The following SYT1 variants were observed in gnomAD, a reference collection of about 807,000 sequenced individuals.
SYT1 encodes synaptotagmin 1.
A neutral mutation model predicts 44.8 loss-of-function variants in SYT1; 8 were observed. That is an observed-to-expected ratio of 0.18 (90% CI 0.10 to 0.32). The LOEUF is 0.32. SYT1 is among the 10% of genes least tolerant of loss of function. The pLI is 1.00. For missense variants in SYT1, 286 were observed against 509.3 expected (o/e 0.56, Z 4.22); for synonymous variants, 154 against 188.8 (o/e 0.82, Z 1.51).
intron 4 of SYT1, among the ~76,000 whole-genome samples, chr12:79,250,419 C>A (rs1426019228): frequency 6.6e-6 from 1 of 152,186 alleles, no homozygotes; most frequent in African/African-American, 2.4e-5. Context: ...TTGAATCACC[C>A]TCAGATATGT....
Position 79,217,517 on chromosome 12 carries a change from A to G in SYT1, c.-3A>G. 1.3e-6 allele frequency: 2 copies of G among 1,585,836 alleles called. No homozygotes were observed. The highest frequency in any genetic ancestry group is 1.7e-6 in the Non-Finnish European group (2 of 1,168,702). Reference sequence around the variant, plus strand: ...TCCCCTCACAGCTTCACCTGAACCTAAAATGGTGAGCGAGAGTCACCATGA... The same window carrying G: ...TCCCCTCACAGCTTCACCTGAACCTGAAATGGTGAGCGAGAGTCACCATGA... On this transcript the variant is annotated 5_prime_UTR_variant, in exon 4 of 11. Coordinates refer to ENST00000261205, the MANE Select transcript of SYT1 (RefSeq NM_005639.3).
intron 4 of SYT1, among the ~76,000 whole-genome samples, chr12:79,235,752 A>G (rs1876152400): frequency 6.6e-6 from 1 of 151,764 alleles, no homozygotes; most frequent in Non-Finnish European, 1.5e-5. Flanking sequence ...ACACTAAATC[A>G]AAGAAGATAT....
At chr12:79,042,164 C>G (rs1470573803) in intron 2 of SYT1, among the ~76,000 whole-genome samples, 2 of 151,552 alleles carry the variant, frequency 1.3e-5, no homozygotes, top group African/African-American at 4.8e-5. Context: ...AGGATTCCCT[C>G]TTTTTCTATT....
At chr12:79,395,910 T>C (rs184904639) in intron 9 of SYT1, among the ~76,000 whole-genome samples, 5 of 152,348 alleles carry the variant, frequency 3.3e-5, no homozygotes, top group South Asian at 4.1e-4. Flanking sequence ...TCTAAATTAA[T>C]AAATTTAGGG....
At chr12:78,866,113 C>G (rs921088509) in intron 1 of SYT1, among the ~76,000 whole-genome samples, 5 of 152,112 alleles carry the variant, frequency 3.3e-5, no homozygotes, top group Non-Finnish European at 5.9e-5. Flanking sequence ...TTCACTTTCT[C>G]CAGTATTAAC....
intron 3 of SYT1, among the ~76,000 whole-genome samples, chr12:79,212,328 A>G (rs1043680069): frequency 3.9e-5 from 6 of 152,096 alleles, no homozygotes; most frequent in African/African-American, 1.4e-4. Context: ...ACATGGATGC[A>G]GGGAGGGGAA....
At chr12:79,179,306 A>AGATATATCGATATG (rs1565841761) in intron 3 of SYT1, among the ~76,000 whole-genome samples, 8 of 83,698 alleles carry the variant, frequency 9.6e-5, no homozygotes, top group African/African-American at 4.5e-4. Context: ...ATTTAGATAT[A>AGATATATCGATATG]TCTATATAGA....
At chr12:78,956,684 C>A (rs1879236725) in intron 1 of SYT1, among the ~76,000 whole-genome samples, 2 of 151,874 alleles carry the variant, frequency 1.3e-5, no homozygotes, top group African/African-American at 4.8e-5. Context: ...TGAGATTTGA[C>A]TCCGTATATA....
chr12:79,174,692 CAGA>C (rs1350400419), intron 3 of SYT1, among the ~76,000 whole-genome samples: 1 of 152,002 alleles, frequency 6.6e-6, no homozygotes, highest in Admixed American at 6.6e-5. Flanking sequence ...GTTGACAGTA[CAGA>C]AGGTGTCATA....
In SYT1 at chr12:79,446,111, T is replaced by C. The variant is rs972553348; in HGVS notation, c.1062+1905T>C. 4.1e-5 allele frequency among the ~76,000 whole-genome samples: 6 copies of C among 148,058 alleles called. No homozygotes were observed. The South Asian group carries it at 6.4e-4, about 16-fold the overall frequency. On this transcript the variant is annotated intron_variant, in intron 10 of 10. Transcript: ENST00000261205. ...TAGAAGAACTTTATGAGAAAAGTAC[T>C]ATTGTTATTATCCTAATTTTATATG...
chr12:79,186,694 G>A (rs1047910614), intron 3 of SYT1, among the ~76,000 whole-genome samples: 17 of 151,970 alleles, frequency 1.1e-4, no homozygotes, highest in African/African-American at 4.1e-4. Flanking sequence ...TCAAAGACTA[G>A]CTGCCAGATA....
At chr12:79,248,642 T>C (rs1245820) in intron 4 of SYT1, among the ~76,000 whole-genome samples, 107,924 of 151,990 alleles carry the variant, frequency 0.71, 38,857 homozygotes, top group African/African-American at 0.79. Context: ...CTAACTTTAC[T>C]GAAGACTAAA....
At chr12:78,948,827 G>C (rs1371593272) in intron 1 of SYT1, among the ~76,000 whole-genome samples, 7 of 151,842 alleles carry the variant, frequency 4.6e-5, no homozygotes, top group African/African-American at 1.7e-4. Flanking sequence ...TGTCCATGGA[G>C]AGGTGTTTCC....
chr12:79,000,540 C>A (rs1870673525), intron 2 of SYT1, among the ~76,000 whole-genome samples: 1 of 152,036 alleles, frequency 6.6e-6, no homozygotes, highest in South Asian at 2.1e-4. Context: ...CTCAGGTGAT[C>A]CACCCACCTC....
In SYT1 at chr12:78,931,219, GAAAGAAAGAAA is replaced by G. The variant is rs1565723272; in HGVS notation, c.-216-46579_-216-46569del. Among the ~76,000 whole-genome samples, 65 of 57,450 alleles carry G rather than the reference GAAAGAAAGAAA, an allele frequency of 1.1e-3. 2 individuals are homozygous for G. Among genetic ancestry groups the G allele is most frequent in the African/African-American group, 5.8e-3 (60 of 10,418 alleles). 37.7% of individuals were successfully genotyped at this position (57,450 alleles called of 152,430 possible). ...AGAAAGAAAGAAAGAAAGAAAGAAA[GAAAGAAAGAAA>G]GAAAGAAAGAAGGAAGGAAGGAAGG... On this transcript the variant is annotated intron_variant, in intron 1 of 10. Transcript: ENST00000261205.
intron 3 of SYT1, among the ~76,000 whole-genome samples, chr12:79,146,880 G>A (rs535386481): frequency 4.6e-5 from 7 of 151,988 alleles, no homozygotes; most frequent in East Asian, 3.9e-4. Flanking sequence ...TCACTCTGTC[G>A]CCCAGGCTAG....
chr12:79,137,080 C>T (rs1869239539), intron 3 of SYT1, among the ~76,000 whole-genome samples: 1 of 151,612 alleles, frequency 6.6e-6, no homozygotes, highest in Non-Finnish European at 1.5e-5. Context: ...GTTCCAAATA[C>T]TATACTTGGA....
rs1439788996 is a variant in SYT1, at chr12:79,094,839, C to A, written c.-18+47477C>A. The stretch of plus-strand genomic sequence containing the variant: ...TCAACAGCAAAAATAATTCTCATGA[C>A]CTAAATTAATAAGCCTTTTAATGGC... On this transcript the variant is annotated intron_variant, in intron 3 of 10. Coordinates refer to ENST00000261205, the MANE Select transcript of SYT1 (RefSeq NM_005639.3). 2.6e-5 allele frequency among the ~76,000 whole-genome samples: 4 copies of A among 151,880 alleles called. No homozygotes were observed. In the East Asian group the frequency reaches 7.8e-4, roughly 29 times the overall value.
chr12:78,874,272 T>C (rs1017941631), intron 1 of SYT1, among the ~76,000 whole-genome samples: 1 of 151,538 alleles, frequency 6.6e-6, no homozygotes, highest in African/African-American at 2.4e-5. Flanking sequence ...ACAGAGCCAA[T>C]ACTCAATCAT....
Sources: allele counts gnomAD v4.1 joint callset (sites outside exome capture counted in the v4.1 genomes callset), GRCh38; gene constraint gnomAD v4.1.1; transcripts MANE v1.5; gene names NCBI Gene and HGNC (gene_info 2026-07-23, HGNC 2026-07-21).